The following TEAD4 variants were observed in gnomAD, a reference collection of about 807,000 sequenced individuals.
TEAD4 encodes the protein TEA domain transcription factor 4.
TEAD4 carries 36 observed loss-of-function variants against 52.4 expected under a neutral mutation model. That is an observed-to-expected ratio of 0.69 (90% CI 0.53 to 0.91). The LOEUF (loss-of-function observed/expected upper bound fraction) is 0.91, where lower values mean the gene tolerates loss of function less well. Among genes scored for constraint, TEAD4 ranks in the 40% least tolerant of loss-of-function variants. TEAD4 has a pLI of 0.00. For synonymous variants in TEAD4, 220 were observed against 231.0 expected, an observed-to-expected ratio of 0.95 and a Z score of 0.43; for missense variants, 508 against 583.9, an observed-to-expected ratio of 0.87 and a Z score of 1.34.
At chr12:2,976,817 T>C (rs73246962) in intron 2 of TEAD4, among the ~76,000 whole-genome samples, 1 of 151,874 alleles carries the variant, frequency 6.6e-6, no homozygotes, top group Non-Finnish European at 1.5e-5. Context: ...GGGAAGAGAC[T>C]GCTTGGGTTG....
At chr12:2,976,527 A>T (rs11062440) in intron 2 of TEAD4, among the ~76,000 whole-genome samples, 1 of 152,052 alleles carries the variant, frequency 6.6e-6, no homozygotes, top group Non-Finnish European at 1.5e-5. Context: ...TCTGGAACTA[A>T]ACCTGTATCA....
intron 2 of TEAD4, among the ~76,000 whole-genome samples, chr12:2,992,554 C>T (rs571799211): frequency 9.9e-5 from 15 of 152,200 alleles, no homozygotes; most frequent in African/African-American, 3.4e-4. Flanking sequence ...CAATGATAAG[C>T]GAGGAATGCT....
In TEAD4 at chr12:3,021,762, C is replaced by T. The variant is rs1591592812; in HGVS notation, c.724-82C>T. On this transcript the variant is annotated intron_variant, in intron 9 of 12. Transcript: ENST00000359864. ...AGGCCAAGCGGCTTGCACCAGGTCACGTGGTGGGCACGCAGAGCCAGGGTT... is the reference window on the plus strand; with the variant it reads ...AGGCCAAGCGGCTTGCACCAGGTCATGTGGTGGGCACGCAGAGCCAGGGTT... 8 of 1,489,626 alleles carry T rather than the reference C, an allele frequency of 5.4e-6. No individual in the cohort carries two copies. The Admixed American group carries it at 5.9e-5, about 11-fold the overall frequency. The allele number at this position is 1,489,626 out of a possible 1,614,324, so 92.3% of individuals were successfully genotyped here.
intron 3 of TEAD4, among the ~76,000 whole-genome samples, chr12:3,003,815 C>T (rs895098936): frequency 6.6e-6 from 1 of 152,190 alleles, no homozygotes; most frequent in Non-Finnish European, 1.5e-5. Context: ...TGACTGGCCT[C>T]CTCCTTCCCC....
chr12:2,975,536 G>C (rs1413193449), intron 2 of TEAD4, among the ~76,000 whole-genome samples: 1 of 152,038 alleles, frequency 6.6e-6, no homozygotes, highest in Non-Finnish European at 1.5e-5. Context: ...TTACAGGCAT[G>C]CGCCACCACA....
intron 10 of TEAD4, among the ~76,000 whole-genome samples, chr12:3,034,132 C>CCT (rs1398046909): frequency 1.3e-5 from 2 of 148,262 alleles, no homozygotes; most frequent in Non-Finnish European, 2.9e-5. Flanking sequence ...AATGTCTCAA[C>CCT]CTCTCTGGGC....
rs971157754 is a variant in TEAD4 at position 3,040,601 on chromosome 12, A to G, written c.*123A>G. The stretch of plus-strand genomic sequence containing the variant: ...AGCTGAGAGGAGCAGTTGTGACTCT[A>G]CCCAGGAACAAACTGTGCCTGAACC... On this transcript the variant is annotated 3_prime_UTR_variant, in exon 13 of 13. Transcript: ENST00000359864. 1.1e-5 allele frequency: 9 copies of G among 827,888 alleles called. No homozygotes were observed. In the African/African-American group the frequency reaches 1.5e-4, roughly 14 times the overall value. The allele number at this position is 827,888 out of a possible 1,614,324, so 51.3% of individuals were successfully genotyped here.
rs2098245364 is a variant in TEAD4, at chr12:2,994,206, G to T, written c.-29-532G>T. Among the ~76,000 whole-genome samples, 1 of 152,114 alleles carries T rather than the reference G, an allele frequency of 6.6e-6. No individual in the cohort carries two copies. The highest frequency in any genetic ancestry group is 2.1e-4 in the South Asian group (1 of 4,822). The stretch of plus-strand genomic sequence containing the variant: ...TCTCCTTGTCTGAGCCTCCCGAGTA[G>T]CTGTGATTACAGGTGCCCGCCACCA... On this transcript the variant is annotated intron_variant, in intron 2 of 12. Transcript: ENST00000359864. The surrounding 1 kb of genome is among the most constrained non-coding windows in gnomAD (Gnocchi z 4.7).
chr12:2,980,896 G>A (rs757380000), intron 2 of TEAD4, among the ~76,000 whole-genome samples: 13 of 152,194 alleles, frequency 8.5e-5, no homozygotes, highest in Non-Finnish European at 1.5e-4. Flanking sequence ...ATGATGGGCA[G>A]GAGGCAGCTT....
intron 9 of TEAD4, 118 bp from the exon 10 acceptor site, chr12:3,021,726 A>G (rs1384687337): frequency 4.0e-6 from 4 of 995,000 alleles, no homozygotes; most frequent in Non-Finnish European, 6.0e-6. Context: ...TGGGGAAACT[A>G]TGGCCCAGAA....
chr12:3,040,159 C>T lies in TEAD4; in HGVS notation c.1091C>T (p.Ser364Phe). The T allele has an allele frequency of 6.2e-7, 1 of 1,614,192 alleles. No individual in the cohort carries two copies. The highest frequency in any genetic ancestry group is 8.5e-7 in the Non-Finnish European group (1 of 1,180,040). ...CACTACTCTTACCGCATCCACCGGTCCCCGCTCTGTGAGTACATGATCAAC... is the reference window on the plus strand; with the variant it reads ...CACTACTCTTACCGCATCCACCGGTTCCCGCTCTGTGAGTACATGATCAAC... Residue 364 changes from serine (S) to phenylalanine (F), a missense_variant, in exon 12 of 13, where the codon TCC becomes TTC. By Grantham distance (155) the Ser-to-Phe change is radical. Coordinates refer to ENST00000359864, the MANE Select transcript of TEAD4 (RefSeq NM_003213.4).
At position 2,978,461 on chromosome 12, in the gene TEAD4, GGA is replaced by G. The variant is rs570216180; in HGVS notation, c.-29-16275_-29-16274del. Among the ~76,000 whole-genome samples, 14 of 150,898 alleles carry G rather than the reference GGA, an allele frequency of 9.3e-5. No individual in the cohort carries two copies. The South Asian group carries it at 2.9e-3, about 32-fold the overall frequency. On this transcript the variant is annotated intron_variant, in intron 2 of 12. Coordinates refer to ENST00000359864, the MANE Select transcript of TEAD4 (RefSeq NM_003213.4). ...CTTTACTCACTTTATTGCCCAGGCT[GGA>G]GTGCAGTGGTGCGATCTTGGCTCGC...
intron 2 of TEAD4, among the ~76,000 whole-genome samples, chr12:2,985,553 T>G (rs1168081488): frequency 8.2e-6 from 1 of 121,644 alleles, no homozygotes; most frequent in African/African-American, 3.1e-5. Flanking sequence ...TCCCCCAGGC[T>G]GGAGTGTAGT....
At chr12:2,977,465 G>A (rs549242479) in intron 2 of TEAD4, among the ~76,000 whole-genome samples, 2 of 152,100 alleles carry the variant, frequency 1.3e-5, no homozygotes, top group South Asian at 2.1e-4. Flanking sequence ...CCTGCTCCCC[G>A]TTCCCCATCC....
At chr12:3,038,706 G>A (rs774377476) in intron 11 of TEAD4, among the ~76,000 whole-genome samples, 5 of 152,196 alleles carry the variant, frequency 3.3e-5, no homozygotes, top group South Asian at 4.1e-4. Flanking sequence ...GAGCATAAGC[G>A]CAGGTGAATC....
intron 10 of TEAD4, among the ~76,000 whole-genome samples, chr12:3,031,564 C>T (rs900740647): frequency 5.3e-5 from 8 of 152,202 alleles, no homozygotes; most frequent in Non-Finnish European, 7.3e-5. Flanking sequence ...GGGCCTGGCC[C>T]TGAGTCCCCC....
intron 5 of TEAD4, chr12:3,017,080 C>T (rs1184293141): frequency 2.0e-6 from 1 of 506,564 alleles, no homozygotes; most frequent in Non-Finnish European, 3.8e-6. Context: ...CTGAGCTAGG[C>T]ACCTGTGGTA....
chr12:2,984,218 C>T (rs758310567), intron 2 of TEAD4, among the ~76,000 whole-genome samples: 2 of 152,072 alleles, frequency 1.3e-5, no homozygotes, highest in African/African-American at 2.4e-5. Context: ...CAGATGGAAG[C>T]GCTAGAAAAT....
intron 2 of TEAD4, among the ~76,000 whole-genome samples, chr12:2,979,633 T>C (rs2098232602): frequency 6.6e-6 from 1 of 152,222 alleles, no homozygotes; most frequent in South Asian, 2.1e-4. Context: ...TTGGCAAACT[T>C]GCAAGTACAA....
Sources: gnomAD v4.1 joint callset for allele counts (sites outside exome capture counted in the v4.1 genomes callset) on GRCh38, gnomAD v4.1.1 for gene constraint, Gnocchi (gnomAD v3.1) non-coding constraint, MANE v1.5 for transcripts, NCBI Gene and HGNC (gene_info 2026-07-23, HGNC 2026-07-21) for gene names.